The following CNTN5 variants were observed in gnomAD, a reference collection of about 807,000 sequenced individuals.
CNTN5 encodes contactin-5.
A neutral mutation model predicts 129.1 loss-of-function variants in CNTN5; 77 were observed. That is an observed-to-expected ratio of 0.60 (90% CI 0.50 to 0.72). The LOEUF (loss-of-function observed/expected upper bound fraction) is 0.72. CNTN5 is among the 30% of genes least tolerant of loss of function. The pLI is 0.00. For synonymous variants in CNTN5, 509 were observed against 465.6 expected (o/e 1.09, Z -1.20); for missense variants, 1,478 against 1,328.8 (o/e 1.11, Z -1.75).
rs541515869 is a variant in CNTN5 at position 99,619,435 on chromosome 11, T to C, written c.55+63166T>C. ...AATACATGTAACCTAAAATTGACCA[T>C]TTTATGATTTTTAAGTATAAAATTG... is the stretch of plus-strand genomic sequence containing the variant. On this transcript the variant is annotated intron_variant, in intron 3 of 24. Coordinates refer to ENST00000524871, the MANE Select transcript of CNTN5 (RefSeq NM_014361.4). Among the ~76,000 whole-genome samples, 3 of 152,266 alleles carry C rather than the reference T, an allele frequency of 2.0e-5. No homozygotes were observed. The South Asian group carries it at 6.2e-4, about 32-fold the overall frequency.
At chr11:99,470,956 A>C in intron 2 of CNTN5, among the ~76,000 whole-genome samples, 1 of 152,122 alleles carries the variant, frequency 6.6e-6, no homozygotes, top group East Asian at 1.9e-4. Flanking sequence ...AGTCTTCATT[A>C]GTCAAGGACT....
chr11:99,098,351 T>C (rs1014696079), intron 1 of CNTN5, among the ~76,000 whole-genome samples: 2 of 152,106 alleles, frequency 1.3e-5, no homozygotes, highest in Non-Finnish European at 2.9e-5. Flanking sequence ...AAGTAGGCCA[T>C]GCAAGACAGT....
At chr11:100,200,219 T>C (rs1286905903) in intron 15 of CNTN5, among the ~76,000 whole-genome samples, 6 of 151,880 alleles carry the variant, frequency 4.0e-5, no homozygotes, top group Admixed American at 1.3e-4. Flanking sequence ...TGATTGCCCA[T>C]CTCCACTTTA....
chr11:99,641,447 A>G (rs1358133761), intron 3 of CNTN5, among the ~76,000 whole-genome samples: 1 of 152,084 alleles, frequency 6.6e-6, no homozygotes, highest in Non-Finnish European at 1.5e-5. Flanking sequence ...GAACAGGTAG[A>G]AGTTCTCACC....
In CNTN5 at chr11:100,226,352, T is replaced by C. The variant is rs146046794; in HGVS notation, c.2005+1540T>C. 2.6e-3 allele frequency among the ~76,000 whole-genome samples: 389 copies of C among 152,236 alleles called. 7 individuals are homozygous for C. The highest frequency in any genetic ancestry group is 8.9e-3 in the African/African-American group (372 of 41,566). On this transcript the variant is annotated intron_variant, in intron 16 of 24. Transcript: ENST00000524871. ...GGAGCTTTCCAAATCAATATCACAATTTAGAGACTGATAAGAAACCAGGTA... is the reference window on the plus strand; with the variant it reads ...GGAGCTTTCCAAATCAATATCACAACTTAGAGACTGATAAGAAACCAGGTA...
chr11:100,023,902 A>C (rs558821786), intron 9 of CNTN5, among the ~76,000 whole-genome samples: 1 of 151,998 alleles, frequency 6.6e-6, no homozygotes, highest in Non-Finnish European at 1.5e-5. Flanking sequence ...TCATTTATCT[A>C]TTCAGCTACT....
chr11:99,027,907 G>A (rs577857478), intron 1 of CNTN5, among the ~76,000 whole-genome samples: 43 of 151,562 alleles, frequency 2.8e-4, no homozygotes, highest in African/African-American at 9.4e-4. Context: ...GGTAAAAGAC[G>A]GTGACTAAAA....
At chr11:100,228,736 T>C (rs1949431365) in intron 16 of CNTN5, among the ~76,000 whole-genome samples, 1 of 152,192 alleles carries the variant, frequency 6.6e-6, no homozygotes, top group Non-Finnish European at 1.5e-5. Context: ...AGCTGAGGTC[T>C]CAGCCCTCGG....
At chr11:99,656,116 G>A (rs948497531) in intron 3 of CNTN5, among the ~76,000 whole-genome samples, 3 of 151,916 alleles carry the variant, frequency 2.0e-5, no homozygotes, top group Non-Finnish European at 4.4e-5. Context: ...GCTAAATGGA[G>A]TATTAAAAGC....
intron 1 of CNTN5, among the ~76,000 whole-genome samples, chr11:99,116,470 TG>T (rs1338972125): frequency 6.6e-6 from 1 of 152,194 alleles, no homozygotes; most frequent in African/African-American, 2.4e-5. Flanking sequence ...TAGCTGACAT[TG>T]TTTTATTTTA....
At chr11:99,205,399 G>T (rs1171458104) in intron 1 of CNTN5, among the ~76,000 whole-genome samples, 1 of 151,952 alleles carries the variant, frequency 6.6e-6, no homozygotes, top group Admixed American at 6.6e-5. Flanking sequence ...AGAGCTTACC[G>T]AGACTTCCCT....
chr11:99,827,944 A>G (rs564643952), intron 4 of CNTN5, among the ~76,000 whole-genome samples: 2 of 152,304 alleles, frequency 1.3e-5, no homozygotes, highest in Non-Finnish European at 2.9e-5. Flanking sequence ...ACAGAGATGT[A>G]CTTTTTACAT....
At chr11:100,267,253 CCACACACACACACA>C (rs113458728) in intron 17 of CNTN5, among the ~76,000 whole-genome samples, 1 of 143,760 alleles carries the variant, frequency 7.0e-6, no homozygotes, top group Non-Finnish European at 1.5e-5. Context: ...CATGAATCAA[CCACACACACACACA>C]CACACACACA....
At chr11:99,368,447 G>T (rs754994944) in intron 2 of CNTN5, among the ~76,000 whole-genome samples, 2 of 151,008 alleles carry the variant, frequency 1.3e-5, no homozygotes, top group African/African-American at 2.4e-5. Context: ...TTTGAGACCA[G>T]CCTGGACAAC....
intron 3 of CNTN5, among the ~76,000 whole-genome samples, chr11:99,675,945 T>A (rs889046572): frequency 1.3e-5 from 2 of 152,120 alleles, no homozygotes; most frequent in African/African-American, 2.4e-5. Context: ...GAAAATACTT[T>A]GAAAAATACA....
chr11:99,559,447 AC>A (rs1207398343), intron 3 of CNTN5, among the ~76,000 whole-genome samples: 1 of 152,186 alleles, frequency 6.6e-6, no homozygotes, highest in Non-Finnish European at 1.5e-5. Flanking sequence ...TTTCACAAGA[AC>A]AGGCAACCTT....
intron 20 of CNTN5, among the ~76,000 whole-genome samples, chr11:100,307,237 G>GA (rs931626047): frequency 8.7e-4 from 129 of 148,380 alleles, no homozygotes; most frequent in East Asian, 4.3e-3. Context: ...TCCATAAATT[G>GA]AAAAAAAAAA....
chr11:99,248,518 T>G (rs1317431833), intron 1 of CNTN5, among the ~76,000 whole-genome samples: 2 of 152,210 alleles, frequency 1.3e-5, no homozygotes, highest in Non-Finnish European at 2.9e-5. Flanking sequence ...TTTGGTGTTT[T>G]AGACATGAAG....
chr11:99,558,281 C>A, intron 3 of CNTN5: 1 of 429,328 alleles, frequency 2.3e-6, no homozygotes, highest in African/African-American at 2.0e-5. Context: ...TCCTCTTGAA[C>A]TTATAAGCCA....
Sources: gnomAD v4.1 joint callset for allele counts (sites outside exome capture counted in the v4.1 genomes callset) on GRCh38, gnomAD v4.1.1 for gene constraint, MANE v1.5 for transcripts, NCBI Gene and HGNC (gene_info 2026-07-23, HGNC 2026-07-21) for gene names.